Variants in PALM2AKAP2 observed in about 807,000 individuals in gnomAD.
The protein encoded by PALM2AKAP2 is PALM2 and AKAP2 fusion.
In PALM2AKAP2, 37 loss-of-function variants were observed where a neutral mutation model predicts 71.5. That is an observed-to-expected ratio of 0.52 (90% confidence interval 0.40 to 0.68). The LOEUF (loss-of-function observed/expected upper bound fraction) is 0.68. Ranked by LOEUF, PALM2AKAP2 falls within the 30% of genes least tolerant of loss-of-function variation. PALM2AKAP2 has a pLI of 0.00. For synonymous variants in PALM2AKAP2, 468 were observed against 478.8 expected, an observed-to-expected ratio of 0.98 and a Z score of 0.29; for missense variants, 1,224 against 1,191.8, an observed-to-expected ratio of 1.03 and a Z score of -0.40.
At chr9:110,010,927 C>T (rs1347794922) in intron 6 of PALM2AKAP2, among the ~76,000 whole-genome samples, 6 of 134,542 alleles carry the variant, frequency 4.5e-5, no homozygotes, top group Non-Finnish European at 7.7e-5. Context: ...ACCTGGGAGG[C>T]GGAGGTTGCC....
At chr9:110,007,547 G>A (rs964304823) in intron 6 of PALM2AKAP2, among the ~76,000 whole-genome samples, 1 of 152,214 alleles carries the variant, frequency 6.6e-6, no homozygotes, top group Admixed American at 6.5e-5. Context: ...GAACTTTTGG[G>A]TTTTAGTGAG....
intron 1 of PALM2AKAP2, among the ~76,000 whole-genome samples, chr9:109,662,067 C>CTGAGATGA (rs1403504116): frequency 6.6e-6 from 1 of 152,126 alleles, no homozygotes; most frequent in Non-Finnish European, 1.5e-5. Context: ...AGATTTTGGG[C>CTGAGATGA]TGAGATGATG....
At chr9:109,680,904 T>G (rs887110105) in intron 1 of PALM2AKAP2, among the ~76,000 whole-genome samples, 3 of 152,180 alleles carry the variant, frequency 2.0e-5, no homozygotes, top group African/African-American at 7.2e-5. Flanking sequence ...ATATAATTTT[T>G]TACTATCCAA....
chr9:109,705,620 G>A (rs1178415841), intron 1 of PALM2AKAP2, among the ~76,000 whole-genome samples: 1 of 152,190 alleles, frequency 6.6e-6, no homozygotes. Flanking sequence ...GTTGGATCCA[G>A]GCACCTCCCT....
At chr9:109,859,459 T>C (rs944032188) in intron 1 of PALM2AKAP2, among the ~76,000 whole-genome samples, 2 of 152,164 alleles carry the variant, frequency 1.3e-5, no homozygotes, top group African/African-American at 4.8e-5. Context: ...AAATGATAAA[T>C]ACACGAGATG....
exon 4 of PALM2AKAP2, chr9:110,170,004 C>T (rs1341604077): frequency 6.6e-6 from 1 of 152,598 alleles, no homozygotes; most frequent in Admixed American, 6.5e-5. Flanking sequence ...TTGCATGAGT[C>T]ACAATTACAA....
intron 1 of PALM2AKAP2, among the ~76,000 whole-genome samples, chr9:109,825,005 T>G (rs1418172641): frequency 2.0e-5 from 3 of 152,232 alleles, no homozygotes; most frequent in African/African-American, 7.2e-5. Flanking sequence ...AGTGTTTACC[T>G]TCTTAGGCCA....
exon 4 of PALM2AKAP2, chr9:109,923,813 G>A: frequency 1.2e-6 from 2 of 1,600,064 alleles, no homozygotes; most frequent in South Asian, 1.1e-5. Context: ...TAGAGAAACT[G>A]AAGGAAACAG....
At chr9:109,836,109 C>T (rs1440084561) in intron 1 of PALM2AKAP2, among the ~76,000 whole-genome samples, 2 of 152,202 alleles carry the variant, frequency 1.3e-5, no homozygotes, top group Non-Finnish European at 2.9e-5. Context: ...CCCCGAGTAG[C>T]CTAACTGGGA....
intron 1 of PALM2AKAP2, among the ~76,000 whole-genome samples, chr9:110,088,703 G>GTTTTGT (rs1834628901): frequency 5.0e-4 from 38 of 75,638 alleles, no homozygotes; most frequent in Non-Finnish European, 8.0e-4. Context: ...GCATTTACGT[G>GTTTTGT]TTTTTTTTTT....
At chr9:110,005,558 G>C (rs930693186) in intron 6 of PALM2AKAP2, among the ~76,000 whole-genome samples, 30 of 152,212 alleles carry the variant, frequency 2.0e-4, no homozygotes, top group African/African-American at 6.0e-4. Flanking sequence ...AAAGCTGTCA[G>C]ACAGGGACAT....
intron 1 of PALM2AKAP2, among the ~76,000 whole-genome samples, chr9:109,768,388 A>G (rs1330252098): frequency 6.6e-6 from 1 of 152,182 alleles, no homozygotes; most frequent in Non-Finnish European, 1.5e-5. Context: ...ATTGATACAT[A>G]ATGTTTGTAC....
rs1033651649 is a variant in PALM2AKAP2 at position 109,831,134 on chromosome 9, A to G, written c.46-36357A>G. On this transcript the variant is annotated intron_variant, in intron 1 of 9. Transcript: ENST00000302798. ...TTTTTTCCCATTGATGGTTGTTAAT[A>G]CTTCCCCTACACACACACACACACA... Among the ~76,000 whole-genome samples, 5 of 136,076 alleles carry G rather than the reference A, an allele frequency of 3.7e-5. No individual in the cohort carries two copies. The Admixed American group carries it at 3.8e-4, about 10-fold the overall frequency. The allele number at this position is 136,076 out of a possible 152,430, so 89.3% of individuals were successfully genotyped here.
intron 6 of PALM2AKAP2, among the ~76,000 whole-genome samples, chr9:109,993,701 C>T (rs963851327): frequency 2.0e-5 from 3 of 151,900 alleles, no homozygotes; most frequent in Admixed American, 6.6e-5. Flanking sequence ...CTTCCTTCCT[C>T]TCCTCATTCT....
chr9:109,839,662 A>G (rs1037888087), intron 1 of PALM2AKAP2, among the ~76,000 whole-genome samples: 4 of 152,382 alleles, frequency 2.6e-5, no homozygotes, highest in African/African-American at 7.2e-5. Context: ...CTGATAAGCA[A>G]CTTCAGCAAA....
At chr9:110,014,594 GAA>G (rs1832939187) in intron 6 of PALM2AKAP2, among the ~76,000 whole-genome samples, 1 of 151,104 alleles carries the variant, frequency 6.6e-6, no homozygotes, top group African/African-American at 2.4e-5. Context: ...ACAACATGGT[GAA>G]ACCCTGTCTC....
At chr9:110,032,436 T>C (rs1833296496) in intron 7 of PALM2AKAP2, among the ~76,000 whole-genome samples, 1 of 152,138 alleles carries the variant, frequency 6.6e-6, no homozygotes, top group Non-Finnish European at 1.5e-5. Context: ...CTTACGCCTG[T>C]AATCCCAGCA....
intron 3 of PALM2AKAP2, among the ~76,000 whole-genome samples, chr9:109,904,823 A>G (rs75854314): frequency 0.016 from 2,486 of 152,318 alleles, 61 homozygotes; most frequent in African/African-American, 0.057. Context: ...GTGGACTATC[A>G]GATCATCTCT....
chr9:110,140,542 A>G (rs77733163), intron 2 of PALM2AKAP2, among the ~76,000 whole-genome samples: 6,700 of 152,312 alleles, frequency 0.044, 328 homozygotes, highest in East Asian at 0.23. Flanking sequence ...CTTGAAAACC[A>G]TGAGTTTGCC....
Sources: allele counts gnomAD v4.1 joint callset (sites outside exome capture counted in the v4.1 genomes callset), GRCh38; gene constraint gnomAD v4.1.1; transcripts MANE v1.5; gene names NCBI Gene and HGNC (gene_info 2026-07-23, HGNC 2026-07-21).